The following CSMD1 variants were observed in gnomAD, a reference collection of about 807,000 sequenced individuals.
The protein encoded by CSMD1 is CUB and sushi domain-containing protein 1.
CSMD1 carries 213 observed loss-of-function variants against 417.5 expected under a neutral mutation model. The ratio of observed to expected loss-of-function variants is 0.51; its 90% CI spans 0.46 to 0.57. The LOEUF is 0.57. CSMD1 is among the 20% of genes least tolerant of loss of function. CSMD1 has a pLI of 0.00. For missense variants in CSMD1, 6,923 were observed against 4,529.7 expected (o/e 1.53, Z -15.17); for synonymous variants, 2,862 against 1,736.8 (o/e 1.65, Z -16.11).
intron 26 of CSMD1, among the ~76,000 whole-genome samples, chr8:3,238,732 G>A (rs1799309255): frequency 1.3e-5 from 2 of 152,150 alleles, no homozygotes; most frequent in Non-Finnish European, 2.9e-5. Flanking sequence ...TAAGAATTGG[G>A]ACCACCCAGG....
At chr8:3,251,572 T>G (rs1338523060) in intron 26 of CSMD1, among the ~76,000 whole-genome samples, 2 of 152,290 alleles carry the variant, frequency 1.3e-5, no homozygotes, top group East Asian at 3.9e-4. Flanking sequence ...CATATGAACT[T>G]TAAAGTAGTT....
intron 26 of CSMD1, among the ~76,000 whole-genome samples, chr8:3,241,386 G>A (rs1462021431): frequency 1.3e-5 from 2 of 152,056 alleles, no homozygotes; most frequent in African/African-American, 2.4e-5. Context: ...TGATTAAGAA[G>A]GGGACGGTCT....
In CSMD1 at chr8:4,131,756, C is replaced by CTTTTTTTTTTTTTT; in HGVS notation, c.416-99671_416-99658dup. Among the ~76,000 whole-genome samples, 2 of 87,426 alleles carry CTTTTTTTTTTTTTT rather than the reference C, an allele frequency of 2.3e-5. 1 individual carries two copies. The highest frequency in any genetic ancestry group is 4.0e-5 in the Non-Finnish European group (2 of 49,476). 57.4% of individuals were successfully genotyped at this position (87,426 alleles called of 152,430 possible). A position where few individuals can be genotyped will look rare whatever the true frequency, so the allele number is the denominator to read the frequency against. ...AGATTAAATTAGTATACAAATGTGA[C>CTTTTTTTTTTTTTT]TTTTTTTTTTTTTTTTTTTTTTTTG... is the stretch of plus-strand genomic sequence containing the variant. On this transcript the variant is annotated intron_variant, in intron 3 of 69. Transcript: ENST00000635120.
At chr8:4,156,182 C>A (rs1796823802) in intron 3 of CSMD1, among the ~76,000 whole-genome samples, 1 of 152,160 alleles carries the variant, frequency 6.6e-6, no homozygotes. Flanking sequence ...GGTGTGGGAA[C>A]AAGGTTTCAT....
At chr8:4,492,420 A>G (rs1201241687) in intron 2 of CSMD1, among the ~76,000 whole-genome samples, 1 of 152,166 alleles carries the variant, frequency 6.6e-6, no homozygotes, top group Non-Finnish European at 1.5e-5. Flanking sequence ...AGGCAAAACT[A>G]CGGAAGGTGA....
intron 3 of CSMD1, among the ~76,000 whole-genome samples, chr8:4,083,032 T>A (rs372714954): frequency 2.6e-5 from 4 of 152,062 alleles, no homozygotes; most frequent in Non-Finnish European, 4.4e-5. Context: ...CATTTGGGTT[T>A]GTTCCAAGTC....
chr8:4,259,241 G>A (rs1406227815), intron 3 of CSMD1, among the ~76,000 whole-genome samples: 1 of 152,172 alleles, frequency 6.6e-6, no homozygotes, highest in Non-Finnish European at 1.5e-5. Flanking sequence ...GCGGGACACA[G>A]ACAATCTTTT....
chr8:4,561,509 C>A (rs181938612), intron 2 of CSMD1, among the ~76,000 whole-genome samples: 1 of 152,088 alleles, frequency 6.6e-6, no homozygotes, highest in African/African-American at 2.4e-5. Context: ...ATGGTGAAAC[C>A]CTGTCTCTAC....
rs898320170 is a variant in CSMD1 at position 4,002,569 on chromosome 8, T to A, written c.611-4459A>T. The stretch of plus-strand genomic sequence containing the variant: ...TGAGAAAAATTAATTACTTAATTTT[T>A]GATATAATATTTACTTGTGAACTTA... On this transcript the variant is annotated intron_variant, in intron 4 of 69. Coordinates refer to ENST00000635120, the MANE Select transcript of CSMD1 (RefSeq NM_033225.6). 5.9e-5 allele frequency among the ~76,000 whole-genome samples: 9 copies of A among 152,346 alleles called. No homozygotes were observed. In the South Asian group the frequency reaches 6.2e-4, roughly 11 times the overall value.
chr8:3,316,802 A>G (rs1004879847), intron 23 of CSMD1, among the ~76,000 whole-genome samples: 1 of 152,092 alleles, frequency 6.6e-6, no homozygotes, highest in East Asian at 1.9e-4. Context: ...CAGTGGGGGG[A>G]AGGCAACGGA....
chr8:4,939,717 T>A (rs4875415), intron 1 of CSMD1, among the ~76,000 whole-genome samples: 149,207 of 152,224 alleles, frequency 0.98, 73,172 homozygotes, highest in East Asian at 1. Context: ...TAATTTCAAG[T>A]GATCTATTGT....
At chr8:3,217,094 A>G (rs551827588) in intron 29 of CSMD1, among the ~76,000 whole-genome samples, 15 of 152,324 alleles carry the variant, frequency 9.8e-5, no homozygotes, top group African/African-American at 3.6e-4. Flanking sequence ...ATACAATAGC[A>G]TCACTGCCCT....
chr8:3,184,270 C>G (rs1821610754), intron 36 of CSMD1, among the ~76,000 whole-genome samples: 1 of 152,184 alleles, frequency 6.6e-6, no homozygotes, highest in Non-Finnish European at 1.5e-5. Flanking sequence ...CTAAGCCACT[C>G]ACTCAATTCA....
At chr8:4,425,261 A>T (rs1262981023) in intron 2 of CSMD1, among the ~76,000 whole-genome samples, 1 of 152,000 alleles carries the variant, frequency 6.6e-6, no homozygotes, top group Non-Finnish European at 1.5e-5. Context: ...AACGAGTGTC[A>T]TAAGACTACT....
chr8:3,627,262 C>G (rs1796539266), intron 7 of CSMD1, among the ~76,000 whole-genome samples: 1 of 152,112 alleles, frequency 6.6e-6, no homozygotes, highest in Non-Finnish European at 1.5e-5. Flanking sequence ...TGCAGCTGTT[C>G]ATGCCCATTT....
chr8:4,692,702 CA>C (rs1236172682), intron 1 of CSMD1, among the ~76,000 whole-genome samples: 4 of 152,192 alleles, frequency 2.6e-5, no homozygotes, highest in Non-Finnish European at 4.4e-5. Flanking sequence ...AAAAGTCCTG[CA>C]GCCTGCAAAC....
At chr8:4,373,355 T>C (rs1011814285) in intron 3 of CSMD1, among the ~76,000 whole-genome samples, 1 of 152,196 alleles carries the variant, frequency 6.6e-6, no homozygotes, top group African/African-American at 2.4e-5. Flanking sequence ...TAATAACGTG[T>C]CACTGTTGGT....
At chr8:4,696,525 C>T (rs993496261) in intron 1 of CSMD1, among the ~76,000 whole-genome samples, 1 of 152,142 alleles carries the variant, frequency 6.6e-6, no homozygotes, top group African/African-American at 2.4e-5. Flanking sequence ...TAAACATTAT[C>T]CTACCCTGGA....
chr8:3,167,291 G>GAAAAGAAAAAAAAAAAAAAA (rs547453018), intron 37 of CSMD1, among the ~76,000 whole-genome samples: 2 of 102,598 alleles, frequency 1.9e-5, no homozygotes, highest in Non-Finnish European at 2.1e-5. Flanking sequence ...CTTGGAAAAA[G>GAAAAGAAAAAAAAAAAAAAA]AAAAAAAAAA....
Sources: gnomAD v4.1 joint callset for allele counts (sites outside exome capture counted in the v4.1 genomes callset) on GRCh38, gnomAD v4.1.1 for gene constraint, MANE v1.5 for transcripts, NCBI Gene and HGNC (gene_info 2026-07-23, HGNC 2026-07-21) for gene names.